The following SYT14 variants were observed in gnomAD, a reference collection of about 807,000 sequenced individuals.
SYT14 encodes synaptotagmin-14.
In SYT14, 32 loss-of-function variants were observed where a neutral mutation model predicts 74.2. The ratio of observed to expected loss-of-function variants is 0.43; its 90% confidence interval spans 0.33 to 0.58. The LOEUF is 0.58. Ranked by LOEUF, SYT14 falls within the 20% of genes least tolerant of loss-of-function variation. The pLI is 0.05. For missense variants in SYT14, 791 were observed against 981.8 expected, an observed-to-expected ratio of 0.81 and a Z score of 2.60; for synonymous variants, 298 against 337.7, an observed-to-expected ratio of 0.88 and a Z score of 1.29.
chr1:210,090,181 G>A (rs2081835792), intron 5 of SYT14, among the ~76,000 whole-genome samples: 3 of 152,184 alleles, frequency 2.0e-5, no homozygotes, highest in Non-Finnish European at 1.5e-5. Flanking sequence ...CTTGGGTGTG[G>A]AGAGGTGGGG....
At chr1:210,016,187 G>C in exon 4 of SYT14, 6 of 1,232,124 alleles carry the variant, frequency 4.9e-6, no homozygotes, top group Admixed American at 4.2e-5. Flanking sequence ...GGAAAGCTCT[G>C]TAGCAGAAGA....
At chr1:209,964,623 A>G (rs2079126441) in intron 2 of SYT14, among the ~76,000 whole-genome samples, 1 of 152,158 alleles carries the variant, frequency 6.6e-6, no homozygotes, top group African/African-American at 2.4e-5. Flanking sequence ...TTTTTCCCAG[A>G]AAGAATCCTA....
chr1:210,017,995 T>C (rs1222079700), intron 4 of SYT14, among the ~76,000 whole-genome samples: 1 of 152,236 alleles, frequency 6.6e-6, no homozygotes, highest in Non-Finnish European at 1.5e-5. Flanking sequence ...ACTACATACA[T>C]AATAGGGATC....
chr1:210,028,012 T>A (rs1029481065), intron 5 of SYT14, among the ~76,000 whole-genome samples: 1 of 152,132 alleles, frequency 6.6e-6, no homozygotes, highest in Admixed American at 6.6e-5. Flanking sequence ...TCTCTAGGAT[T>A]TTTTCATCAT....
intron 5 of SYT14, among the ~76,000 whole-genome samples, chr1:210,071,765 C>T (rs227203): frequency 0.39 from 52,057 of 133,046 alleles, 9,891 homozygotes; most frequent in Non-Finnish European, 0.42. Flanking sequence ...TGACATAATC[C>T]GAATAATTTT....
At chr1:210,060,867 TTGG>T (rs1271949137) in intron 5 of SYT14, among the ~76,000 whole-genome samples, 6 of 152,092 alleles carry the variant, frequency 3.9e-5, no homozygotes, top group Admixed American at 1.3e-4. Flanking sequence ...TACAGAATAC[TTGG>T]TGAATAGATT....
At chr1:210,013,775 G>A in exon 3 of SYT14, 1 of 1,612,320 alleles carries the variant, frequency 6.2e-7, no homozygotes, top group Non-Finnish European at 8.5e-7. Context: ...ACAGTACAAG[G>A]AAGAATTCAC....
exon 4 of SYT14, chr1:210,016,217 C>G: frequency 8.1e-7 from 1 of 1,231,956 alleles, no homozygotes; most frequent in Non-Finnish European, 1.0e-6. Flanking sequence ...CACTTCTAAA[C>G]AAAAAAATGC....
intron 1 of SYT14, among the ~76,000 whole-genome samples, chr1:209,939,695 T>C (rs2102634813): frequency 6.6e-6 from 1 of 152,354 alleles, no homozygotes; most frequent in South Asian, 2.1e-4. Flanking sequence ...CCCAACTAGT[T>C]TGTGGTAGAG....
chr1:210,080,658 C>T (rs1393969813), intron 5 of SYT14, among the ~76,000 whole-genome samples: 1 of 152,142 alleles, frequency 6.6e-6, no homozygotes, highest in Non-Finnish European at 1.5e-5. Context: ...CTGGGCACTG[C>T]AGGTACAAAG....
At chr1:210,055,754 A>G (rs1377432720) in intron 5 of SYT14, among the ~76,000 whole-genome samples, 3 of 151,854 alleles carry the variant, frequency 2.0e-5, no homozygotes, top group Admixed American at 2.0e-4. Context: ...ACAGTGAGCT[A>G]TGATTGTTCC....
At chr1:209,972,980 T>G (rs1482575687) in intron 2 of SYT14, among the ~76,000 whole-genome samples, 1 of 152,212 alleles carries the variant, frequency 6.6e-6, no homozygotes, top group Non-Finnish European at 1.5e-5. Context: ...TGTGTCTAAG[T>G]CTTTTCATAG....
chr1:210,120,365 G>GTT (rs371047537), intron 7 of SYT14, among the ~76,000 whole-genome samples: 9,294 of 131,626 alleles, frequency 0.071, 844 homozygotes, highest in Admixed American at 0.24. Context: ...TGTTTTTGCT[G>GTT]TTTTTTTTTT....
chr1:210,065,537 A>G (rs576853045), intron 5 of SYT14, among the ~76,000 whole-genome samples: 3 of 151,632 alleles, frequency 2.0e-5, no homozygotes, highest in Admixed American at 6.6e-5. Flanking sequence ...AGTCTCAGGT[A>G]TGTCTTTTTT....
intron 2 of SYT14, among the ~76,000 whole-genome samples, chr1:209,984,566 G>A (rs2079540902): frequency 6.6e-6 from 1 of 152,010 alleles, no homozygotes; most frequent in African/African-American, 2.4e-5. Context: ...TTGTATATCT[G>A]GGTTTCCATC....
chr1:210,162,014 C>G (rs1380554379), exon 10 of SYT14: 4 of 451,862 alleles, frequency 8.9e-6, no homozygotes, highest in Non-Finnish European at 8.8e-6. Flanking sequence ...GTAACCAACA[C>G]TGCGTAAAGC....
At chr1:210,114,923 T>C (rs1207670758) in intron 7 of SYT14, among the ~76,000 whole-genome samples, 1 of 149,990 alleles carries the variant, frequency 6.7e-6, no homozygotes, top group African/African-American at 2.5e-5. Flanking sequence ...AAAAGGAAGA[T>C]TGGAAAGACT....
chr1:210,008,856 T>C (rs1268446415), intron 2 of SYT14, among the ~76,000 whole-genome samples: 2 of 152,196 alleles, frequency 1.3e-5, no homozygotes, highest in Non-Finnish European at 2.9e-5. Context: ...TCTACTCCTA[T>C]AATGAATAAG....
At chr1:210,160,025 T>C (rs1267693935) in intron 9 of SYT14, among the ~76,000 whole-genome samples, 1 of 152,224 alleles carries the variant, frequency 6.6e-6, no homozygotes, top group African/African-American at 2.4e-5. Context: ...AACAATCCTA[T>C]AGTATTTTAA....
Sources: allele counts gnomAD v4.1 joint callset (sites outside exome capture counted in the v4.1 genomes callset), GRCh38; gene constraint gnomAD v4.1.1; transcripts MANE v1.5; gene names NCBI Gene and HGNC (gene_info 2026-07-23, HGNC 2026-07-21).